The following FGF14 variants were observed in gnomAD, a reference collection of about 807,000 sequenced individuals.
FGF14 encodes fibroblast growth factor homologous factor 4.
A neutral mutation model predicts 25.5 loss-of-function variants in FGF14; 5 were observed. That is an observed-to-expected ratio of 0.20 (90% confidence interval 0.10 to 0.41). The LOEUF (loss-of-function observed/expected upper bound fraction) is 0.41. Among genes scored for constraint, FGF14 ranks in the 10% least tolerant of loss-of-function variants. The pLI is 1.00. For missense variants in FGF14, 222 were observed against 320.1 expected (o/e 0.69, Z 2.34); for synonymous variants, 138 against 118.3 (o/e 1.17, Z -1.08).
intron 1 of FGF14, among the ~76,000 whole-genome samples, chr13:102,063,572 C>T (rs538501769): frequency 8.5e-4 from 128 of 151,338 alleles, no homozygotes; most frequent in Non-Finnish European, 1.1e-3. Flanking sequence ...GCCAAGATCA[C>T]GCCATTGCAC....
chr13:101,776,682 T>C (rs141657753), intron 3 of FGF14, among the ~76,000 whole-genome samples: 452 of 152,342 alleles, frequency 3.0e-3, no homozygotes, highest in Non-Finnish European at 5.5e-3. Context: ...TCTGGTCGCA[T>C]GAAGCATGTT....
At chr13:102,248,149 A>G (rs2051980147) in intron 1 of FGF14, among the ~76,000 whole-genome samples, 1 of 152,124 alleles carries the variant, frequency 6.6e-6, no homozygotes, top group African/African-American at 2.4e-5. Flanking sequence ...TACTAGGCTT[A>G]GTAGCTGGTG....
chr13:101,838,694 T>C (rs2043049442), intron 3 of FGF14, among the ~76,000 whole-genome samples: 1 of 151,988 alleles, frequency 6.6e-6, no homozygotes, highest in African/African-American at 2.4e-5. Context: ...TAAATAAACA[T>C]TGCTGTAATA....
At chr13:102,233,240 T>A (rs1351226091) in intron 1 of FGF14, among the ~76,000 whole-genome samples, 1 of 152,118 alleles carries the variant, frequency 6.6e-6, no homozygotes, top group African/African-American at 2.4e-5. Context: ...GTTCAAGCGA[T>A]TCTCATGCCT....
intron 3 of FGF14, among the ~76,000 whole-genome samples, chr13:101,738,316 A>G (rs2036314922): frequency 6.6e-6 from 1 of 152,182 alleles, no homozygotes; most frequent in South Asian, 2.1e-4. Flanking sequence ...TTTTTTCCCC[A>G]GGGCACCAAA....
At chr13:102,066,482 T>C (rs1566641245) in intron 1 of FGF14, among the ~76,000 whole-genome samples, 1 of 152,310 alleles carries the variant, frequency 6.6e-6, no homozygotes, top group South Asian at 2.1e-4. Flanking sequence ...AGTAAGGACA[T>C]TGACAAGCAT....
chr13:101,874,678 C>T (rs896736513), intron 2 of FGF14, among the ~76,000 whole-genome samples: 1 of 152,024 alleles, frequency 6.6e-6, no homozygotes, highest in Non-Finnish European at 1.5e-5. Flanking sequence ...TCAAAGTACA[C>T]AACCTTTATG....
intron 3 of FGF14, among the ~76,000 whole-genome samples, chr13:101,762,521 T>C (rs1020822142): frequency 3.3e-5 from 5 of 152,364 alleles, no homozygotes; most frequent in African/African-American, 9.6e-5. Context: ...ACAGGAAATA[T>C]ATACTTAGGT....
chr13:101,865,720 C>T (rs1054411489), intron 3 of FGF14, among the ~76,000 whole-genome samples: 2 of 152,046 alleles, frequency 1.3e-5, no homozygotes, highest in African/African-American at 4.8e-5. Context: ...GAGGAAGATA[C>T]ACCTCAAGTC....
At chr13:102,026,298 G>T (rs2040923901) in intron 1 of FGF14, among the ~76,000 whole-genome samples, 1 of 151,594 alleles carries the variant, frequency 6.6e-6, no homozygotes, top group South Asian at 2.1e-4. Context: ...ATTTCCATTT[G>T]GTTATGGTAT....
At chr13:102,218,659 C>G (rs2050479991) in intron 1 of FGF14, among the ~76,000 whole-genome samples, 1 of 151,834 alleles carries the variant, frequency 6.6e-6, no homozygotes, top group Admixed American at 6.6e-5. Context: ...CCATAACTCT[C>G]ACCCTTTTTA....
chr13:101,829,622 G>A (rs554309128), intron 3 of FGF14, among the ~76,000 whole-genome samples: 2 of 152,002 alleles, frequency 1.3e-5, no homozygotes, highest in South Asian at 4.1e-4. Context: ...AAAAAAAAAT[G>A]TGGTTCATTA....
intron 1 of FGF14, chr13:102,003,163 T>C (rs1489572622): frequency 3.9e-5 from 6 of 152,216 alleles, no homozygotes; most frequent in Non-Finnish European, 8.8e-5. Flanking sequence ...TCACTGGAAA[T>C]GTATAACAAA....
chr13:102,332,451 C>G (rs765838882), intron 1 of FGF14, among the ~76,000 whole-genome samples: 23 of 151,986 alleles, frequency 1.5e-4, no homozygotes, highest in Non-Finnish European at 2.5e-4. Flanking sequence ...TTTATTAACT[C>G]TGTGTGTGTA....
intron 3 of FGF14, among the ~76,000 whole-genome samples, chr13:101,761,590 A>G (rs1292199326): frequency 1.3e-5 from 2 of 150,088 alleles, no homozygotes; most frequent in Non-Finnish European, 1.5e-5. Flanking sequence ...TATAGTTAAC[A>G]ATAATATATA....
intron 1 of FGF14, among the ~76,000 whole-genome samples, chr13:102,258,552 T>C (rs1177693089): frequency 6.6e-6 from 1 of 152,104 alleles, no homozygotes; most frequent in Non-Finnish European, 1.5e-5. Context: ...TGAGTGTTTA[T>C]TTATTGCCCC....
At position 101,716,440 on chromosome 13, in the gene FGF14, G is replaced by A. The variant is rs997853822; in HGVS notation, c.*6391C>T. 1 of 152,098 alleles carries A rather than the reference G, an allele frequency of 6.6e-6. No individual in the cohort carries two copies. The highest frequency in any genetic ancestry group is 1.5e-5 in the Non-Finnish European group (1 of 68,012). 9.4% of individuals were successfully genotyped at this position (152,098 alleles called of 1,614,324 possible). A position where few individuals can be genotyped will look rare whatever the true frequency, so the allele number is the denominator to read the frequency against. ...TTTTAAATAAATAGTGACAGAAGTT[G>A]TTTATACTCTGTGTCAGTATATATA... On this transcript the variant is annotated 3_prime_UTR_variant, in exon 5 of 5. Transcript: ENST00000376143.
chr13:101,787,199 G>C (rs1242816809), intron 3 of FGF14, among the ~76,000 whole-genome samples: 1 of 152,018 alleles, frequency 6.6e-6, no homozygotes, highest in Non-Finnish European at 1.5e-5. Flanking sequence ...CACTGTCCAA[G>C]AGTATATCAT....
chr13:101,869,408 A>G (rs981821359), intron 2 of FGF14, among the ~76,000 whole-genome samples: 4 of 152,214 alleles, frequency 2.6e-5, no homozygotes, highest in Non-Finnish European at 5.9e-5. Context: ...GAGGCTACTC[A>G]TTTATGTTTC....
Sources: gnomAD v4.1 joint callset for allele counts (sites outside exome capture counted in the v4.1 genomes callset) on GRCh38, gnomAD v4.1.1 for gene constraint, MANE v1.5 for transcripts, NCBI Gene and HGNC (gene_info 2026-07-23, HGNC 2026-07-21) for gene names.